The following SLC8A1 variants were observed in gnomAD, a reference collection of about 807,000 sequenced individuals.
The protein encoded by SLC8A1 is sodium/calcium exchanger 1.
A neutral mutation model predicts 68.3 loss-of-function variants in SLC8A1; 18 were observed. That is an observed-to-expected ratio of 0.26 (90% CI 0.18 to 0.39). SLC8A1 has a LOEUF of 0.39. SLC8A1 is among the 10% of genes least tolerant of loss of function. SLC8A1 has a pLI of 1.00. For missense variants in SLC8A1, 985 were observed against 1,156.7 expected (o/e 0.85, Z 2.15); for synonymous variants, 475 against 415.5 (o/e 1.14, Z -1.74).
At chr2:40,329,145 C>T (rs1432280704) in intron 2 of SLC8A1, among the ~76,000 whole-genome samples, 1 of 151,984 alleles carries the variant, frequency 6.6e-6, no homozygotes, top group Admixed American at 6.6e-5. Flanking sequence ...CAAACTTTCA[C>T]TCGGCCAAAC....
At position 40,151,996 on chromosome 2, in the gene SLC8A1, C is replaced by A. The variant is rs868385756; in HGVS notation, c.2161+8769G>T. 2.0e-5 allele frequency among the ~76,000 whole-genome samples: 3 copies of A among 152,148 alleles called. No homozygotes were observed. In the South Asian group the frequency reaches 6.2e-4, roughly 32 times the overall value. On this transcript the variant is annotated intron_variant, in intron 6 of 7. Coordinates refer to ENST00000406785, the Ensembl canonical transcript of SLC8A1. ...TCCAATTCTCATCAAGGATGAATGG[C>A]TATTGAATTCACTTAATGTGACCAT...
chr2:40,157,772 C>T (rs1300828058), intron 6 of SLC8A1, among the ~76,000 whole-genome samples: 4 of 152,196 alleles, frequency 2.6e-5, no homozygotes, highest in African/African-American at 9.7e-5. Flanking sequence ...CTGCAGAACC[C>T]ACTGTTCCTA....
intron 2 of SLC8A1, among the ~76,000 whole-genome samples, chr2:40,421,773 A>G (rs1388131606): frequency 6.6e-6 from 1 of 152,200 alleles, no homozygotes; most frequent in East Asian, 1.9e-4. Context: ...AAGGCAGGAA[A>G]TGAAAAAGAA....
At chr2:40,231,325 T>G (rs2059619127) in intron 2 of SLC8A1, among the ~76,000 whole-genome samples, 1 of 152,164 alleles carries the variant, frequency 6.6e-6, no homozygotes, top group South Asian at 2.1e-4. Context: ...AAATGTTCAT[T>G]GGACTTATGG....
At chr2:40,396,596 C>A (rs1210532439) in intron 2 of SLC8A1, among the ~76,000 whole-genome samples, 1 of 151,006 alleles carries the variant, frequency 6.6e-6, no homozygotes, top group Non-Finnish European at 1.5e-5. Context: ...AACTAGTTGG[C>A]AATGAAAAAA....
intron 1 of SLC8A1, among the ~76,000 whole-genome samples, chr2:40,494,666 T>C (rs1246344279): frequency 4.5e-5 from 6 of 133,694 alleles, no homozygotes; most frequent in Admixed American, 7.3e-5. Context: ...TATATATATA[T>C]ATATATATAT....
intron 2 of SLC8A1, among the ~76,000 whole-genome samples, chr2:40,326,699 C>G (rs1246638783): frequency 2.6e-5 from 4 of 152,204 alleles, no homozygotes; most frequent in Admixed American, 6.5e-5. Context: ...ATGGTCATCA[C>G]TACTATGGGC....
chr2:40,489,853 A>G (rs1191740730), intron 1 of SLC8A1, among the ~76,000 whole-genome samples: 3 of 152,022 alleles, frequency 2.0e-5, no homozygotes, highest in Non-Finnish European at 4.4e-5. Flanking sequence ...TTTAGCCAAT[A>G]AAACACTTTT....
intron 1 of SLC8A1, among the ~76,000 whole-genome samples, chr2:40,494,462 A>G (rs897398635): frequency 6.6e-6 from 1 of 151,814 alleles, no homozygotes. Context: ...CGCAATAAAC[A>G]TACGTGTGCA....
At chr2:40,204,605 T>C (rs968425686) in intron 2 of SLC8A1, among the ~76,000 whole-genome samples, 1 of 152,002 alleles carries the variant, frequency 6.6e-6, no homozygotes, top group South Asian at 2.1e-4. Flanking sequence ...GCGGAGCTAA[T>C]GTTGTCTTGT....
intron 2 of SLC8A1, chr2:40,254,628 G>A (rs1055856893): frequency 6.6e-6 from 1 of 151,970 alleles, no homozygotes; most frequent in African/African-American, 2.4e-5. Flanking sequence ...TCAGAAAATT[G>A]TGAGTTTTAA....
chr2:40,282,038 C>T (rs1244963773), intron 2 of SLC8A1, among the ~76,000 whole-genome samples: 2 of 152,146 alleles, frequency 1.3e-5, no homozygotes, highest in African/African-American at 2.4e-5. Flanking sequence ...CACAGCTCCC[C>T]CACACAAGAG....
At chr2:40,493,977 C>A (rs1394885226) in intron 1 of SLC8A1, among the ~76,000 whole-genome samples, 2 of 151,676 alleles carry the variant, frequency 1.3e-5, no homozygotes, top group Admixed American at 6.6e-5. Flanking sequence ...CACTTGACAT[C>A]ATTTCCTTCT....
intron 2 of SLC8A1, among the ~76,000 whole-genome samples, chr2:40,235,537 T>C (rs1408580351): frequency 1.3e-5 from 2 of 152,106 alleles, no homozygotes; most frequent in Non-Finnish European, 2.9e-5. Flanking sequence ...TTGTTGATCC[T>C]TTCAAAAAAC....
chr2:40,285,269 T>C (rs1420884476), intron 2 of SLC8A1, among the ~76,000 whole-genome samples: 1 of 152,156 alleles, frequency 6.6e-6, no homozygotes, highest in African/African-American at 2.4e-5. Context: ...CACTACAATA[T>C]ACATCTGACA....
chr2:40,188,885 T>C (rs1458363497), intron 2 of SLC8A1, among the ~76,000 whole-genome samples: 3 of 152,244 alleles, frequency 2.0e-5, no homozygotes, highest in South Asian at 4.1e-4. Flanking sequence ...GGATGCCAGA[T>C]ATTTTCTTGA....
chr2:40,397,671 G>A lies in SLC8A1; in HGVS notation c.1808+30802C>T, dbSNP rs79513183. 1.2e-4 allele frequency among the ~76,000 whole-genome samples: 19 copies of A among 152,242 alleles called. No individual in the cohort carries two copies. In the East Asian group the frequency reaches 3.7e-3, roughly 29 times the overall value. ...AGTTTCATAAATGTGACAATACTCA[G>A]GCCCTACCCTGAGACAAGTGGCACA... On this transcript the variant is annotated intron_variant, in intron 2 of 7. Transcript: ENST00000406785.
intron 2 of SLC8A1, among the ~76,000 whole-genome samples, chr2:40,295,500 A>C (rs2070196868): frequency 6.6e-6 from 1 of 152,180 alleles, no homozygotes; most frequent in Non-Finnish European, 1.5e-5. Flanking sequence ...TTCCTTCTAA[A>C]TATCTATCTA....
intron 2 of SLC8A1, among the ~76,000 whole-genome samples, chr2:40,284,257 A>G (rs867303233): frequency 6.7e-6 from 1 of 150,014 alleles, no homozygotes; most frequent in African/African-American, 2.4e-5. Flanking sequence ...ATTTCTCTCT[A>G]TATATAAATA....
Sources: allele counts gnomAD v4.1 joint callset (sites outside exome capture counted in the v4.1 genomes callset), GRCh38; gene constraint gnomAD v4.1.1; transcripts MANE v1.5; gene names NCBI Gene and HGNC (gene_info 2026-07-23, HGNC 2026-07-21).